The following ZNF292 variants were observed in gnomAD, a reference collection of about 807,000 sequenced individuals.
ZNF292 encodes the protein zinc finger protein 292, also known as 16 zinc-finger domain protein.
In ZNF292, 26 loss-of-function variants were observed where a neutral mutation model predicts 217.9. That is an observed-to-expected ratio of 0.12 (90% CI 0.09 to 0.17). The LOEUF is 0.17. Ranked by LOEUF, ZNF292 falls within the 10% of genes least tolerant of loss-of-function variation. The pLI, the probability that ZNF292 is intolerant of heterozygous loss-of-function variation, is 1.00. For missense variants in ZNF292, 2,904 were observed against 3,175.2 expected, an observed-to-expected ratio of 0.91 and a Z score of 2.05; for synonymous variants, 1,257 against 1,124.1, an observed-to-expected ratio of 1.12 and a Z score of -2.37.
At chr6:87,187,175 T>G (rs1771690346) in intron 1 of ZNF292, among the ~76,000 whole-genome samples, 1 of 152,210 alleles carries the variant, frequency 6.6e-6, no homozygotes, top group Non-Finnish European at 1.5e-5. Context: ...TAGAAAAAGT[T>G]GTCAGTCTTC....
chr6:87,216,114 C>G (rs1402375256), intron 2 of ZNF292, 57 bp downstream of exon 2: 14 of 31,824 alleles, frequency 4.4e-4, no homozygotes, highest in South Asian at 1.4e-3. Context: ...CATAGACACA[C>G]ACACACACAC....
intron 1 of ZNF292, among the ~76,000 whole-genome samples, chr6:87,162,739 T>C (rs1485157139): frequency 6.6e-6 from 1 of 152,214 alleles, no homozygotes; most frequent in Non-Finnish European, 1.5e-5. Flanking sequence ...GCAGCTGTAC[T>C]TCATAACATT....
chr6:87,193,048 A>C (rs1166419700), intron 1 of ZNF292, among the ~76,000 whole-genome samples: 2 of 152,206 alleles, frequency 1.3e-5, no homozygotes, highest in African/African-American at 4.8e-5. Flanking sequence ...GCTGGAGTGC[A>C]ATGGCAACTC....
At chr6:87,186,627 C>G (rs1771665230) in intron 1 of ZNF292, among the ~76,000 whole-genome samples, 1 of 152,044 alleles carries the variant, frequency 6.6e-6, no homozygotes, top group Non-Finnish European at 1.5e-5. Flanking sequence ...GCCTGTAATC[C>G]CAGCATTTTG....
At chr6:87,162,729 G>T (rs560534678) in intron 1 of ZNF292, among the ~76,000 whole-genome samples, 25 of 152,264 alleles carry the variant, frequency 1.6e-4, no homozygotes, top group African/African-American at 6.0e-4. Context: ...GATTTATTCT[G>T]CAGCTGTACT....
At chr6:87,253,274 G>A (rs910291398) in intron 7 of ZNF292, among the ~76,000 whole-genome samples, 1 of 143,604 alleles carries the variant, frequency 7.0e-6, no homozygotes, top group Admixed American at 7.1e-5. Flanking sequence ...CATGCAGGCT[G>A]GATTGTTGCA....
At chr6:87,247,293 G>GTGCATGCA (rs57077640) in intron 7 of ZNF292, among the ~76,000 whole-genome samples, 25 of 149,138 alleles carry the variant, frequency 1.7e-4, no homozygotes, top group Middle Eastern at 3.5e-3. Context: ...GCGCACGCAC[G>GTGCATGCA]TGCATGCATG....
chr6:87,158,397 G>A (rs1770614908), intron 1 of ZNF292, among the ~76,000 whole-genome samples: 1 of 152,196 alleles, frequency 6.6e-6, no homozygotes, highest in African/African-American at 2.4e-5. Context: ...ATTTACAGGG[G>A]TGGAGGTGGC....
At chr6:87,247,757 T>C (rs1774676463) in intron 7 of ZNF292, among the ~76,000 whole-genome samples, 1 of 152,222 alleles carries the variant, frequency 6.6e-6, no homozygotes, top group African/African-American at 2.4e-5. Flanking sequence ...CCTAATACTT[T>C]AAATAATATA....
chr6:87,197,391 A>G (rs895501973), intron 1 of ZNF292, among the ~76,000 whole-genome samples: 5 of 151,014 alleles, frequency 3.3e-5, no homozygotes, highest in African/African-American at 1.2e-4. Flanking sequence ...CCTGAGTACA[A>G]TTTGAGAATA....
intron 5 of ZNF292, among the ~76,000 whole-genome samples, chr6:87,236,765 C>T (rs1329224341): frequency 6.6e-6 from 1 of 152,166 alleles, no homozygotes; most frequent in Non-Finnish European, 1.5e-5. Context: ...CATACACACT[C>T]CCTGGTTGCC....
chr6:87,209,385 G>A (rs1392712218), intron 1 of ZNF292, among the ~76,000 whole-genome samples: 3 of 152,134 alleles, frequency 2.0e-5, no homozygotes, highest in Non-Finnish European at 4.4e-5. Context: ...GGAGAGGAGA[G>A]TAAGGTGCAA....
In ZNF292 at chr6:87,255,872, A is replaced by C. The variant is rs2127859465; in HGVS notation, c.2243A>C (p.Lys748Thr). The change falls in exon 8 of 8, where the codon AAA becomes ACA. Residue 748 changes from lysine to threonine, a missense_variant. Physicochemically the swap from Lys to Thr is moderately conservative, Grantham distance 78. This residue lies in a region of ZNF292 where 216 missense variants were observed against 308.3 expected (regional missense o/e 0.70). Coordinates refer to ENST00000369577, the MANE Select transcript of ZNF292 (RefSeq NM_015021.3). ...NDHLQMHCGS[K>T]PYICIQMKCK... ...CACTTACAGATGCACTGTGGCAGTA[A>C]ACCATATATCTGTATACAGATGAAA... 1 of 1,613,878 alleles carries C rather than the reference A, an allele frequency of 6.2e-7. No individual in the cohort carries two copies. Among genetic ancestry groups the C allele is most frequent in the Non-Finnish European group, 8.5e-7 (1 of 1,179,836 alleles).
At chr6:87,177,378 T>C (rs1291655324) in intron 1 of ZNF292, among the ~76,000 whole-genome samples, 1 of 152,150 alleles carries the variant, frequency 6.6e-6, no homozygotes, top group Non-Finnish European at 1.5e-5. Context: ...GCTCCTCCTC[T>C]TATTTCCACA....
intron 1 of ZNF292, among the ~76,000 whole-genome samples, chr6:87,197,505 C>T (rs1771984810): frequency 6.7e-6 from 1 of 148,844 alleles, no homozygotes; most frequent in African/African-American, 2.5e-5. Flanking sequence ...GAGGCCAAGG[C>T]GGGTGGATTA....
intron 7 of ZNF292, among the ~76,000 whole-genome samples, chr6:87,247,225 A>G (rs1434803131): frequency 6.6e-6 from 1 of 151,160 alleles, no homozygotes; most frequent in Non-Finnish European, 1.5e-5. Context: ...TTGGGTAGGT[A>G]GATCTGAAAC....
At position 87,216,287 on chromosome 6, in the gene ZNF292, T is replaced by G. The variant is rs1395127439; in HGVS notation, c.324-12T>G. 6.4e-7 allele frequency: 1 copy of G among 1,564,154 alleles called. No individual in the cohort carries two copies. The highest frequency in any genetic ancestry group is 1.4e-5 in the African/African-American group (1 of 73,858). ...TAATTATTCCTCTCCTTACCAACTTTTTGTTTTTTAGAAGCTGTGTTGAAC... is the reference window on the plus strand; with the variant it reads ...TAATTATTCCTCTCCTTACCAACTTGTTGTTTTTTAGAAGCTGTGTTGAAC... On this transcript the variant is annotated splice_polypyrimidine_tract_variant and intron_variant, in intron 2 of 7. Coordinates refer to ENST00000369577, the MANE Select transcript of ZNF292 (RefSeq NM_015021.3).
At chr6:87,198,755 A>G (rs1366471608) in intron 1 of ZNF292, among the ~76,000 whole-genome samples, 1 of 152,254 alleles carries the variant, frequency 6.6e-6, no homozygotes, top group Non-Finnish European at 1.5e-5. Flanking sequence ...ATTACACAAT[A>G]ACTTCAAAGG....
chr6:87,258,721 T>C lies in ZNF292; in HGVS notation c.5092T>C (p.Phe1698Leu), dbSNP rs536616082. 7.4e-6 allele frequency: 12 copies of C among 1,613,446 alleles called. No homozygotes were observed. Among genetic ancestry groups the C allele is most frequent in the South Asian group, 1.1e-5 (1 of 91,048 alleles). ...ATTAAATAATGTTAACAATCAGTTA[T>C]TTATGACTGATGTAAAAGAGAATTT... ...QKLNNVNNQLFMTDVKENFKT... is the reference protein window; with the variant it reads ...QKLNNVNNQLLMTDVKENFKT... Residue 1698 changes from phenylalanine (F) to leucine (L), a missense_variant, in exon 8 of 8, where the codon TTT becomes CTT. Phe to Leu is a conservative substitution (Grantham distance 22). Coordinates refer to ENST00000369577, the MANE Select transcript of ZNF292 (RefSeq NM_015021.3).
Sources: allele counts gnomAD v4.1 joint callset (sites outside exome capture counted in the v4.1 genomes callset), GRCh38; gene constraint gnomAD v4.1.1; regional missense constraint gnomAD v4.1.1; transcripts MANE v1.5; gene names NCBI Gene and HGNC (gene_info 2026-07-23, HGNC 2026-07-21).